The following CSMD1 variants were observed in gnomAD, a reference collection of about 807,000 sequenced individuals.
The protein encoded by CSMD1 is CUB and sushi domain-containing protein 1.
Under a neutral mutation model 417.5 loss-of-function variants are expected in CSMD1, and 213 were observed. The ratio of observed to expected loss-of-function variants is 0.51; its 90% CI spans 0.46 to 0.57. CSMD1 has a LOEUF of 0.57. Ranked by LOEUF, CSMD1 falls within the 20% of genes least tolerant of loss-of-function variation. The pLI, the probability that CSMD1 is intolerant of heterozygous loss-of-function variation, is 0.00. For synonymous variants in CSMD1, 2,862 were observed against 1,736.8 expected, an observed-to-expected ratio of 1.65 and a Z score of -16.11; for missense variants, 6,923 against 4,529.7, an observed-to-expected ratio of 1.53 and a Z score of -15.17.
At chr8:4,720,766 C>A (rs982865859) in intron 1 of CSMD1, among the ~76,000 whole-genome samples, 1 of 152,126 alleles carries the variant, frequency 6.6e-6, no homozygotes, top group Non-Finnish European at 1.5e-5. Context: ...TCTGAAAAAT[C>A]ATCTTGGTCC....
intron 3 of CSMD1, among the ~76,000 whole-genome samples, chr8:4,302,071 C>A (rs1392006505): frequency 1.3e-5 from 2 of 152,290 alleles, no homozygotes; most frequent in South Asian, 4.1e-4. Context: ...TTTCCACAAA[C>A]TTTATGAAGA....
At chr8:3,135,956 G>A (rs1289310486) in intron 41 of CSMD1, among the ~76,000 whole-genome samples, 2 of 152,174 alleles carry the variant, frequency 1.3e-5, no homozygotes, top group Non-Finnish European at 2.9e-5. Context: ...GAATTCAGGT[G>A]TCACTGAGGC....
At chr8:4,773,924 A>G (rs973806034) in intron 1 of CSMD1, among the ~76,000 whole-genome samples, 11 of 152,228 alleles carry the variant, frequency 7.2e-5, no homozygotes, top group African/African-American at 2.4e-4. Flanking sequence ...GGCTGGGTGC[A>G]GTGGCTCACG....
At chr8:4,687,074 G>C (rs1054812623) in intron 1 of CSMD1, among the ~76,000 whole-genome samples, 1 of 152,196 alleles carries the variant, frequency 6.6e-6, no homozygotes. Flanking sequence ...CTTCAGGCGA[G>C]CCGGCCCCTG....
chr8:3,255,081 A>C (rs988124846), intron 26 of CSMD1, among the ~76,000 whole-genome samples: 2 of 152,000 alleles, frequency 1.3e-5, no homozygotes, highest in Admixed American at 6.6e-5. Flanking sequence ...GTTAGTTTTC[A>C]TTGTAACAGT....
At chr8:4,620,275 G>C (rs977108337) in intron 2 of CSMD1, among the ~76,000 whole-genome samples, 2 of 151,436 alleles carry the variant, frequency 1.3e-5, no homozygotes, top group African/African-American at 2.4e-5. Context: ...CTAAAAGTCT[G>C]TTCTCCTGTA....
At position 4,955,676 on chromosome 8, in the gene CSMD1, G is replaced by A. The variant is rs548630466; in HGVS notation, c.85+38656C>T. On this transcript the variant is annotated intron_variant, in intron 1 of 69. Coordinates refer to ENST00000635120, the MANE Select transcript of CSMD1 (RefSeq NM_033225.6). ...TCCCCATATTGGCCAGGCTGGTCTC[G>A]AACTCCTGACCTCAGGTGATCCACC... 3.9e-5 allele frequency among the ~76,000 whole-genome samples: 6 copies of A among 152,106 alleles called. No homozygotes were observed. The East Asian group carries it at 1.2e-3, about 29-fold the overall frequency.
At chr8:3,004,184 G>T (rs1040252947) in intron 52 of CSMD1, among the ~76,000 whole-genome samples, 3 of 152,140 alleles carry the variant, frequency 2.0e-5, no homozygotes, top group African/African-American at 7.2e-5. Flanking sequence ...TTCCTCAGTG[G>T]ACCTTACACT....
intron 3 of CSMD1, among the ~76,000 whole-genome samples, chr8:4,262,621 A>G (rs1278038409): frequency 6.6e-6 from 1 of 152,120 alleles, no homozygotes; most frequent in Non-Finnish European, 1.5e-5. Flanking sequence ...AGCTTCAAAC[A>G]GCCATCGCCA....
At chr8:4,711,303 C>A (rs1808280154) in intron 1 of CSMD1, among the ~76,000 whole-genome samples, 1 of 152,006 alleles carries the variant, frequency 6.6e-6, no homozygotes. Flanking sequence ...TCTATTTATC[C>A]AATAAACTGA....
chr8:4,774,734 G>A (rs1796761247), intron 1 of CSMD1, among the ~76,000 whole-genome samples: 1 of 152,078 alleles, frequency 6.6e-6, no homozygotes, highest in African/African-American at 2.4e-5. Flanking sequence ...TGCCTTTGTT[G>A]CTATTCTCAT....
rs1804639648 is a variant in CSMD1 at position 3,304,247 on chromosome 8, G to T, written c.3950+3448C>A. Among the ~76,000 whole-genome samples, 3 of 152,058 alleles carry T rather than the reference G, an allele frequency of 2.0e-5. 1 individual carries two copies. The South Asian group carries it at 6.2e-4, about 32-fold the overall frequency. ...CTGTGTTCATATTTATATGACTGATGTATTTCTCATTTTCAAGTTAACATT... is the reference window on the plus strand; with the variant it reads ...CTGTGTTCATATTTATATGACTGATTTATTTCTCATTTTCAAGTTAACATT... On this transcript the variant is annotated intron_variant, in intron 25 of 69. Coordinates refer to ENST00000635120, the MANE Select transcript of CSMD1 (RefSeq NM_033225.6).
At chr8:3,165,379 A>G (rs1820142208) in intron 37 of CSMD1, among the ~76,000 whole-genome samples, 1 of 152,104 alleles carries the variant, frequency 6.6e-6, no homozygotes, top group Admixed American at 6.5e-5. Flanking sequence ...CACTAGGAGT[A>G]ATTCAAGTCA....
At position 3,586,195 on chromosome 8, in the gene CSMD1, G is replaced by T. The variant is rs1000776049; in HGVS notation, c.1163C>A (p.Thr388Asn). ...NYVLQGSKSI[T>N]CQRVTETLAA... ...GAGCGTCTCTGTAACTCTCTGACAG[G>T]TGATGCTTTTAGATCCCTGGAGCAC... is the stretch of plus-strand genomic sequence containing the variant. Residue 388 changes from threonine to asparagine, a missense_variant, in exon 9 of 70, where the codon ACC becomes AAC. Thr to Asn is a moderately conservative substitution (Grantham distance 65). Coordinates refer to ENST00000635120, the MANE Select transcript of CSMD1 (RefSeq NM_033225.6). 6.2e-7 allele frequency: 1 copy of T among 1,612,584 alleles called. No individual in the cohort carries two copies. The highest frequency in any genetic ancestry group is 8.5e-7 in the Non-Finnish European group (1 of 1,179,382).
chr8:3,604,711 C>G (rs955403808), intron 8 of CSMD1, among the ~76,000 whole-genome samples: 1 of 152,154 alleles, frequency 6.6e-6, no homozygotes, highest in Non-Finnish European at 1.5e-5. Context: ...TTATTCTCTG[C>G]ATCAGGAGAG....
chr8:4,525,597 T>A (rs1217583766), intron 2 of CSMD1, among the ~76,000 whole-genome samples: 1 of 152,164 alleles, frequency 6.6e-6, no homozygotes, highest in African/African-American at 2.4e-5. Flanking sequence ...GGTTTATACA[T>A]GAAGTATGAA....
intron 7 of CSMD1, among the ~76,000 whole-genome samples, chr8:3,662,557 G>A (rs1405162776): frequency 6.6e-6 from 1 of 152,176 alleles, no homozygotes; most frequent in East Asian, 1.9e-4. Context: ...TATATACCCA[G>A]TAATGGGATC....
At chr8:3,251,605 T>G (rs976007754) in intron 26 of CSMD1, among the ~76,000 whole-genome samples, 1 of 152,200 alleles carries the variant, frequency 6.6e-6, no homozygotes. Flanking sequence ...GTGAAGAAAG[T>G]CATTGGTAGC....
intron 5 of CSMD1, among the ~76,000 whole-genome samples, chr8:3,916,002 C>G (rs1251285921): frequency 1.3e-5 from 2 of 151,258 alleles, no homozygotes; most frequent in Non-Finnish European, 2.9e-5. Flanking sequence ...TGATATAATG[C>G]AATTAGTTGG....
Sources: allele counts gnomAD v4.1 joint callset (sites outside exome capture counted in the v4.1 genomes callset), GRCh38; gene constraint gnomAD v4.1.1; transcripts MANE v1.5; gene names NCBI Gene and HGNC (gene_info 2026-07-23, HGNC 2026-07-21).